Variants in PTPRN2 observed in about 807,000 individuals in gnomAD.
PTPRN2 encodes receptor-type tyrosine-protein phosphatase N2.
PTPRN2 carries 74 observed loss-of-function variants against 118.8 expected under a neutral mutation model. The observed-to-expected ratio is 0.62, with a 90% CI of 0.52 to 0.76. The LOEUF is 0.76. PTPRN2 is among the 30% of genes least tolerant of loss of function. The probability of loss-of-function intolerance (pLI) is 0.00; values close to 1 mark genes in which losing one functional copy is unlikely to be tolerated. For missense variants in PTPRN2, 1,481 were observed against 1,394.4 expected (o/e 1.06, Z -0.99); for synonymous variants, 641 against 608.0 (o/e 1.05, Z -0.80).
At chr7:158,206,895 T>G (rs1018521280) in intron 3 of PTPRN2, among the ~76,000 whole-genome samples, 1 of 150,170 alleles carries the variant, frequency 6.7e-6, no homozygotes, top group African/African-American at 2.5e-5. Context: ...GCCATGCTGG[T>G]GTGCTGCACC....
At position 157,550,744 on chromosome 7, in the gene PTPRN2, G is replaced by A. The variant is rs1352504340; in HGVS notation, c.2903-1725C>T. ...CAGAGCCTCTGCAGGCATAAAAGGC[G>A]GCTTTCTTTTGCGGCAGCCCGTGAG... is the stretch of plus-strand genomic sequence containing the variant. On this transcript the variant is annotated intron_variant, in intron 21 of 22. Transcript: ENST00000389418. This position sits in a 1 kb window ranked among gnomAD's most constrained non-coding sequence, Gnocchi z 5.2. Among the ~76,000 whole-genome samples the A allele has an allele frequency of 3.3e-5, 5 of 152,216 alleles. No homozygotes were observed. Among genetic ancestry groups the A allele is most frequent in the African/African-American group, 7.2e-5 (3 of 41,458 alleles).
At chr7:157,692,643 C>T (rs1797563476) in intron 12 of PTPRN2, among the ~76,000 whole-genome samples, 2 of 152,344 alleles carry the variant, frequency 1.3e-5, no homozygotes, top group South Asian at 4.1e-4. Context: ...AGTGGCCTCG[C>T]ATCGGGCCAT....
intron 22 of PTPRN2, 150 bp downstream of exon 22, chr7:157,548,796 T>C (rs991391189): frequency 5.2e-6 from 4 of 774,846 alleles, no homozygotes; most frequent in Non-Finnish European, 8.5e-6. Flanking sequence ...ACCCCGCCCA[T>C]GCAAGGCCGG....
At chr7:158,562,194 C>T (rs548743518) in intron 1 of PTPRN2, among the ~76,000 whole-genome samples, 1 of 152,184 alleles carries the variant, frequency 6.6e-6, no homozygotes, top group African/African-American at 2.4e-5. Context: ...CACCAGGAGA[C>T]TCGGCATCCC....
chr7:158,017,754 G>A (rs935161997), intron 11 of PTPRN2, among the ~76,000 whole-genome samples: 2 of 152,086 alleles, frequency 1.3e-5, no homozygotes, highest in Non-Finnish European at 1.5e-5. Context: ...AGGGCTGGGC[G>A]GCCAGCAGGG....
At chr7:158,473,351 C>A (rs1053797548) in intron 2 of PTPRN2, among the ~76,000 whole-genome samples, 1 of 152,246 alleles carries the variant, frequency 6.6e-6, no homozygotes, top group African/African-American at 2.4e-5. Flanking sequence ...CATAAGCACA[C>A]TTCCGTTCTC....
In PTPRN2 at chr7:158,326,977, G is replaced by A. The variant is rs182719171; in HGVS notation, c.164-10045C>T. 2.7e-3 allele frequency among the ~76,000 whole-genome samples: 366 copies of A among 134,154 alleles called. 2 individuals carry two copies. Among genetic ancestry groups the A allele is most frequent in the Non-Finnish European group, 4.2e-3 (263 of 62,554 alleles). 88.0% of individuals were successfully genotyped at this position (134,154 alleles called of 152,430 possible). A position where few individuals can be genotyped will look rare whatever the true frequency, so the allele number is the denominator to read the frequency against. On this transcript the variant is annotated intron_variant, in intron 2 of 22. Coordinates refer to ENST00000389418, the MANE Select transcript of PTPRN2 (RefSeq NM_002847.5). ...CATGCACACACGCACACATTCACAT[G>A]CACATACACATTCTCAGATGCACAC...
chr7:158,061,492 C>T (rs546131622), intron 11 of PTPRN2, among the ~76,000 whole-genome samples: 270 of 144,982 alleles, frequency 1.9e-3, no homozygotes, highest in Non-Finnish European at 3.2e-3. Flanking sequence ...ATGCACTCGG[C>T]GCTGAACCAT....
At chr7:157,832,752 T>C (rs59816598) in intron 12 of PTPRN2, among the ~76,000 whole-genome samples, 20,686 of 152,226 alleles carry the variant, frequency 0.14, 2,664 homozygotes, top group African/African-American at 0.33. Flanking sequence ...GATCTTCAGT[T>C]ACTGGAAGGC....
chr7:158,532,624 C>A (rs34189096), intron 1 of PTPRN2: 230,367 of 465,804 alleles, frequency 0.49, 58,478 homozygotes, highest in South Asian at 0.66. Context: ...AGACCAAAAA[C>A]GTCACTAAAC....
At chr7:157,747,848 T>G (rs1801096145) in intron 12 of PTPRN2, among the ~76,000 whole-genome samples, 2 of 135,250 alleles carry the variant, frequency 1.5e-5, no homozygotes, top group African/African-American at 2.9e-5. Flanking sequence ...GCTGTCCGGG[T>G]GATTCTGAGG....
intron 13 of PTPRN2, among the ~76,000 whole-genome samples, chr7:157,657,988 CACAG>C (rs1554516853): frequency 6.8e-6 from 1 of 147,200 alleles, no homozygotes; most frequent in African/African-American, 2.5e-5. Flanking sequence ...ACACACACGT[CACAG>C]ACACACACAC....
At chr7:158,108,623 T>A (rs1207604273) in intron 10 of PTPRN2, among the ~76,000 whole-genome samples, 1 of 152,194 alleles carries the variant, frequency 6.6e-6, no homozygotes, top group African/African-American at 2.4e-5. Flanking sequence ...GTGAGCAGTG[T>A]GGAGTTGCAT....
intron 1 of PTPRN2, among the ~76,000 whole-genome samples, chr7:158,524,074 T>C (rs1197185492): frequency 2.5e-5 from 2 of 80,048 alleles, no homozygotes; most frequent in African/African-American, 1.1e-4. Context: ...TGCCCTGGAG[T>C]GGAGTCATCT....
In PTPRN2 at chr7:158,158,172, C is replaced by T. The variant is rs80082584; in HGVS notation, c.910+8759G>A. Reference sequence around the variant, plus strand: ...AAAACGAAAAGGCAGCAGGTGCTTCCTTTCAAGTGAAAATGACCCCAAAAG... The same window carrying T: ...AAAACGAAAAGGCAGCAGGTGCTTCTTTTCAAGTGAAAATGACCCCAAAAG... On this transcript the variant is annotated intron_variant, in intron 6 of 22. Coordinates refer to ENST00000389418, the MANE Select transcript of PTPRN2 (RefSeq NM_002847.5). Among the ~76,000 whole-genome samples, 1,404 of 152,296 alleles carry T rather than the reference C, an allele frequency of 9.2e-3. 27 individuals carry two copies. The highest frequency in any genetic ancestry group is 0.032 in the African/African-American group (1,310 of 41,546).
intron 12 of PTPRN2, among the ~76,000 whole-genome samples, chr7:157,844,608 C>T (rs1261727939): frequency 6.6e-6 from 1 of 152,142 alleles, no homozygotes; most frequent in Admixed American, 6.5e-5. Flanking sequence ...GAAGGCCTTC[C>T]ACAGCACGAC....
intron 14 of PTPRN2, among the ~76,000 whole-genome samples, chr7:157,648,748 T>C (rs375291559): frequency 3.4e-4 from 38 of 111,090 alleles, no homozygotes; most frequent in Admixed American, 5.6e-4. Flanking sequence ...ACCCATCCAG[T>C]GTGCACTGAA....
chr7:158,405,038 C>A (rs1279815460), intron 2 of PTPRN2, among the ~76,000 whole-genome samples: 2 of 147,262 alleles, frequency 1.4e-5, no homozygotes, highest in Admixed American at 6.7e-5. Context: ...GCTCCCCGGC[C>A]CCCAGCTCCC....
At chr7:158,056,807 C>T (rs950754684) in intron 11 of PTPRN2, among the ~76,000 whole-genome samples, 13 of 152,220 alleles carry the variant, frequency 8.5e-5, no homozygotes, top group African/African-American at 2.9e-4. Context: ...GGAGTCCTTA[C>T]AGAAGCTGCA....
Sources: allele counts gnomAD v4.1 joint callset (sites outside exome capture counted in the v4.1 genomes callset), GRCh38; gene constraint gnomAD v4.1.1; non-coding constraint Gnocchi (gnomAD v3.1); transcripts MANE v1.5; gene names NCBI Gene and HGNC (gene_info 2026-07-23, HGNC 2026-07-21).